CNTNAP5: variants seen among roughly 807,000 people sequenced by gnomAD.
CNTNAP5 encodes contactin-associated protein-like 5.
CNTNAP5 carries 72 observed loss-of-function variants against 150.2 expected under a neutral mutation model. That is an observed-to-expected ratio of 0.48 (90% CI 0.40 to 0.58). The LOEUF (loss-of-function observed/expected upper bound fraction) is 0.58. CNTNAP5 is among the 20% of genes least tolerant of loss of function. CNTNAP5 has a pLI of 0.00. For synonymous variants in CNTNAP5, 672 were observed against 619.8 expected (o/e 1.08, Z -1.25); for missense variants, 1,636 against 1,626.2 (o/e 1.01, Z -0.10).
chr2:124,724,867 G>T (rs1457612100), intron 13 of CNTNAP5, among the ~76,000 whole-genome samples: 4 of 148,362 alleles, frequency 2.7e-5, no homozygotes, highest in Non-Finnish European at 6.0e-5. Flanking sequence ...CTTTACTGTG[G>T]TACATTAATC....
chr2:124,722,265 A>G (rs1354382997), intron 13 of CNTNAP5, among the ~76,000 whole-genome samples: 1 of 152,070 alleles, frequency 6.6e-6, no homozygotes, highest in Non-Finnish European at 1.5e-5. Flanking sequence ...CCATTTCAGC[A>G]CCAACTCTAA....
At chr2:124,401,243 G>A (rs1691417839) in intron 3 of CNTNAP5, among the ~76,000 whole-genome samples, 1 of 152,166 alleles carries the variant, frequency 6.6e-6, no homozygotes, top group African/African-American at 2.4e-5. Context: ...TAGCAACAGA[G>A]GAGTCTGGTG....
intron 3 of CNTNAP5, among the ~76,000 whole-genome samples, chr2:124,388,808 G>A (rs1429505937): frequency 2.0e-5 from 3 of 152,104 alleles, no homozygotes; most frequent in Admixed American, 2.0e-4. Flanking sequence ...TGCCTCCCGA[G>A]TAGCTGGGAT....
chr2:124,849,037 G>T (rs1408334192), intron 19 of CNTNAP5, among the ~76,000 whole-genome samples: 1 of 151,852 alleles, frequency 6.6e-6, no homozygotes, highest in African/African-American at 2.4e-5. Flanking sequence ...GTATTCTTTT[G>T]GTGTCATATA....
rs1357283475 is a variant in CNTNAP5, at chr2:124,903,094, T to C, written c.3649T>C (p.Ser1217Pro). The C allele has an allele frequency of 1.3e-6, 2 of 1,562,400 alleles. No individual in the cohort carries two copies. The highest frequency in any genetic ancestry group is 1.7e-6 in the Non-Finnish European group (2 of 1,149,650). ...GAATGCAGTGACCACGGTGCATTCTTCATCAGGTACACTCAAGAGCATGCA... is the reference window on the plus strand; with the variant it reads ...GAATGCAGTGACCACGGTGCATTCTCCATCAGGTACACTCAAGAGCATGCA... ...DVNAVTTVHSSSDPFGKTDER... is the reference protein window; with the variant it reads ...DVNAVTTVHSPSDPFGKTDER... The change falls in exon 22 of 24, where the codon TCA becomes CCA. Residue 1217 changes from serine to proline, a missense_variant. Physicochemically the swap from Ser to Pro is moderately conservative, Grantham distance 74. Coordinates refer to ENST00000682447, the MANE Select transcript of CNTNAP5 (RefSeq NM_001367498.1).
chr2:124,158,416 C>T (rs1321454760), intron 1 of CNTNAP5, among the ~76,000 whole-genome samples: 4 of 152,166 alleles, frequency 2.6e-5, no homozygotes, highest in Admixed American at 6.5e-5. Context: ...TCTTTAAATC[C>T]TATCTGAGTG....
At position 124,087,076 on chromosome 2, in the gene CNTNAP5, C is replaced by A. The variant is rs925344308; in HGVS notation, c.82+61344C>A. Among the ~76,000 whole-genome samples the A allele has an allele frequency of 9.2e-5, 14 of 151,716 alleles. 1 individual carries two copies. The highest frequency in any genetic ancestry group is 1.9e-4 in the African/African-American group (8 of 41,066). ...TATCAGTCTGAATAAAATACAGAAACCTTACTTCTTTTTGTGCCCCTTTAT... is the reference window on the plus strand; with the variant it reads ...TATCAGTCTGAATAAAATACAGAAAACTTACTTCTTTTTGTGCCCCTTTAT... On this transcript the variant is annotated intron_variant, in intron 1 of 23. Coordinates refer to ENST00000682447, the MANE Select transcript of CNTNAP5 (RefSeq NM_001367498.1).
At chr2:124,398,057 C>A (rs907426786) in intron 3 of CNTNAP5, among the ~76,000 whole-genome samples, 1 of 152,190 alleles carries the variant, frequency 6.6e-6, no homozygotes, top group African/African-American at 2.4e-5. Flanking sequence ...CCTCTCCTTT[C>A]TTTGCACTGT....
intron 19 of CNTNAP5, among the ~76,000 whole-genome samples, chr2:124,850,240 T>C (rs1683127485): frequency 6.6e-6 from 1 of 152,194 alleles, no homozygotes; most frequent in Admixed American, 6.5e-5. Flanking sequence ...CTGAGGATTT[T>C]ATTTATTTGT....
chr2:124,208,160 C>T (rs1024271175), intron 1 of CNTNAP5, among the ~76,000 whole-genome samples: 18 of 152,018 alleles, frequency 1.2e-4, no homozygotes, highest in Non-Finnish European at 2.5e-4. Context: ...TTCATAGAGT[C>T]CTGAAGAATC....
intron 13 of CNTNAP5, among the ~76,000 whole-genome samples, chr2:124,744,122 T>C (rs908448335): frequency 6.6e-6 from 1 of 152,178 alleles, no homozygotes; most frequent in African/African-American, 2.4e-5. Flanking sequence ...TCATCCTGAA[T>C]TGTAGCTCCC....
At chr2:124,519,696 G>T (rs1694810035) in intron 8 of CNTNAP5, among the ~76,000 whole-genome samples, 2 of 152,182 alleles carry the variant, frequency 1.3e-5, no homozygotes, top group South Asian at 4.1e-4. Flanking sequence ...ATTTGTTACT[G>T]GTAGTGTGAT....
chr2:124,181,614 C>T (rs1374591732), intron 1 of CNTNAP5, among the ~76,000 whole-genome samples: 1 of 152,186 alleles, frequency 6.6e-6, no homozygotes, highest in Non-Finnish European at 1.5e-5. Context: ...TCTGCACTAA[C>T]TGAGAAAGGC....
intron 17 of CNTNAP5, among the ~76,000 whole-genome samples, chr2:124,777,433 G>A (rs1460354929): frequency 6.6e-6 from 1 of 152,004 alleles, no homozygotes; most frequent in Non-Finnish European, 1.5e-5. Flanking sequence ...GGAGTGCAGT[G>A]GTACGATCTC....
intron 13 of CNTNAP5, among the ~76,000 whole-genome samples, chr2:124,727,518 T>C (rs1421860323): frequency 6.6e-6 from 1 of 152,054 alleles, no homozygotes; most frequent in African/African-American, 2.4e-5. Context: ...GTATTCAGTG[T>C]ACAGGTCTTA....
chr2:124,220,105 T>C (rs17391872), intron 1 of CNTNAP5, among the ~76,000 whole-genome samples: 94 of 151,972 alleles, frequency 6.2e-4, no homozygotes, highest in Non-Finnish European at 1.1e-3. Flanking sequence ...CTGCTAAGAA[T>C]TTGCTGAATA....
intron 3 of CNTNAP5, among the ~76,000 whole-genome samples, chr2:124,334,222 T>C (rs890356002): frequency 6.6e-6 from 1 of 152,132 alleles, no homozygotes; most frequent in African/African-American, 2.4e-5. Context: ...AGAAGTGTGA[T>C]GTTTTCTATT....
At chr2:124,866,995 G>T (rs1420926868) in intron 20 of CNTNAP5, among the ~76,000 whole-genome samples, 1 of 152,104 alleles carries the variant, frequency 6.6e-6, no homozygotes, top group Non-Finnish European at 1.5e-5. Flanking sequence ...CCTACCACAT[G>T]TGTGTTTGCA....
intron 17 of CNTNAP5, among the ~76,000 whole-genome samples, chr2:124,785,041 G>GAAAAA (rs67254743): frequency 1.6e-5 from 2 of 123,482 alleles, no homozygotes; most frequent in Non-Finnish European, 1.7e-5. Flanking sequence ...TTAAGGCTGA[G>GAAAAA]AAAAAAAAAA....
Sources: gnomAD v4.1 joint callset for allele counts (sites outside exome capture counted in the v4.1 genomes callset) on GRCh38, gnomAD v4.1.1 for gene constraint, MANE v1.5 for transcripts, NCBI Gene and HGNC (gene_info 2026-07-23, HGNC 2026-07-21) for gene names.